LRRC40: variants seen among roughly 807,000 people sequenced by gnomAD.
LRRC40 encodes the protein leucine-rich repeat-containing protein 40.
LRRC40 carries 76 observed loss-of-function variants against 72.8 expected under a neutral mutation model. The observed-to-expected ratio is 1.04, with a 90% CI of 0.87 to 1.26. The LOEUF (loss-of-function observed/expected upper bound fraction) is 1.26. Ranked by LOEUF, LRRC40 falls within the 50% of genes most tolerant of loss-of-function variation. The pLI, the probability that LRRC40 is intolerant of heterozygous loss-of-function variation, is 0.00. For synonymous variants in LRRC40, 243 were observed against 254.2 expected, an observed-to-expected ratio of 0.96 and a Z score of 0.42; for missense variants, 684 against 698.9, an observed-to-expected ratio of 0.98 and a Z score of 0.24.
intron 10 of LRRC40, among the ~76,000 whole-genome samples, chr1:70,158,048 C>T (rs149778152): frequency 0.024 from 3,147 of 133,708 alleles, 43 homozygotes; most frequent in Middle Eastern, 0.037. Flanking sequence ...TACAGTGAGC[C>T]GAGATAACGC....
chr1:70,197,003 A>G (rs1668626400), intron 1 of LRRC40, among the ~76,000 whole-genome samples: 3 of 152,222 alleles, frequency 2.0e-5, no homozygotes, highest in African/African-American at 7.2e-5. Context: ...ATCACAGGGT[A>G]GATACAATAT....
At chr1:70,157,604 T>TAC (rs1213475972) in intron 10 of LRRC40, among the ~76,000 whole-genome samples, 1 of 152,066 alleles carries the variant, frequency 6.6e-6, no homozygotes, top group African/African-American at 2.4e-5. Context: ...CCCCTTAGAA[T>TAC]AGAGACTCAA....
At chr1:70,155,947 AC>A (rs1488459303) in intron 10 of LRRC40, 151 bp from the exon 11 acceptor site, 2 of 435,460 alleles carry the variant, frequency 4.6e-6, no homozygotes, top group Non-Finnish European at 4.1e-6. Flanking sequence ...CACATAATCT[AC>A]CAAGCCATAA....
In LRRC40 at chr1:70,173,347, A is replaced by G. The variant is rs371497002; in HGVS notation, c.1111+118T>C. The G allele has an allele frequency of 7.7e-5, 53 of 685,678 alleles. No individual in the cohort carries two copies. In the African/African-American group the frequency reaches 9.2e-4, roughly 12 times the overall value. The allele number at this position is 685,678 out of a possible 1,614,324, so 42.5% of individuals were successfully genotyped here. A position where few individuals can be genotyped will look rare whatever the true frequency, so the allele number is the denominator to read the frequency against. ...TATGGATTTAGAATTAGAGCCACAC[A>G]TGCCAGGATCTATTACTTCCAAATA... On this transcript the variant is annotated intron_variant, in intron 9 of 14. Transcript: ENST00000370952.
chr1:70,197,035 A>T (rs972784557), intron 1 of LRRC40, among the ~76,000 whole-genome samples: 6 of 152,248 alleles, frequency 3.9e-5, no homozygotes, highest in African/African-American at 1.4e-4. Context: ...ATGGCTCAAC[A>T]GAACTTTCTA....
At chr1:70,157,234 T>G (rs1310997749) in intron 10 of LRRC40, among the ~76,000 whole-genome samples, 1 of 152,242 alleles carries the variant, frequency 6.6e-6, no homozygotes, top group Admixed American at 6.5e-5. Flanking sequence ...TCCCATTTTC[T>G]TCTGTGTAGA....
rs186537244 is a variant in LRRC40 at position 70,184,051 on chromosome 1, T to C, written c.537+734A>G. ...ATCATTTGAGGTCAGGAGTTCAAGA[T>C]CAGTCTGGCCAAATGGTGAAACCCC... On this transcript the variant is annotated intron_variant, in intron 4 of 14. Transcript: ENST00000370952. 8.9e-4 allele frequency among the ~76,000 whole-genome samples: 135 copies of C among 152,046 alleles called. 1 individual carries two copies. The highest frequency in any genetic ancestry group is 2.4e-3 in the Admixed American group (36 of 15,250).
chr1:70,164,157 G>A (rs753313543), intron 9 of LRRC40, among the ~76,000 whole-genome samples: 143 of 152,102 alleles, frequency 9.4e-4, no homozygotes, highest in Non-Finnish European at 1.7e-3. Flanking sequence ...TTGGGAGGCC[G>A]AGGCGGGCGG....
chr1:70,154,252 C>G (rs1269278888), intron 11 of LRRC40, among the ~76,000 whole-genome samples: 2 of 151,966 alleles, frequency 1.3e-5, no homozygotes, highest in African/African-American at 4.8e-5. Context: ...TGCAACATGT[C>G]CATGTAATAA....
intron 9 of LRRC40, among the ~76,000 whole-genome samples, chr1:70,162,463 T>C (rs1044739128): frequency 2.6e-5 from 4 of 152,172 alleles, no homozygotes; most frequent in African/African-American, 7.2e-5. Context: ...CTATGAATCA[T>C]GAATTCTGAG....
At chr1:70,179,028 G>T in intron 5 of LRRC40, 35 bp from the exon 6 acceptor site, 2 of 1,356,282 alleles carry the variant, frequency 1.5e-6, no homozygotes, top group South Asian at 1.7e-5. Context: ...CAAAAATAGA[G>T]AAAAAAAAAT....
chr1:70,173,781 ACAT>A, intron 7 of LRRC40, 72 bp from the exon 8 acceptor site: 1 of 719,554 alleles, frequency 1.4e-6, no homozygotes, highest in South Asian at 2.0e-5. Flanking sequence ...TAACTATAAA[ACAT>A]CATATGGCAA....
intron 1 of LRRC40, among the ~76,000 whole-genome samples, chr1:70,192,644 A>G (rs1188864354): frequency 6.6e-6 from 1 of 152,172 alleles, no homozygotes; most frequent in African/African-American, 2.4e-5. Context: ...ATGAAAAAGA[A>G]CAAGATCATG....
chr1:70,176,711 T>G lies in LRRC40; in HGVS notation c.805-729A>C, dbSNP rs551749326. On this transcript the variant is annotated intron_variant, in intron 6 of 14. Transcript: ENST00000370952. Reference sequence around the variant, plus strand: ...GTGTTTAAACTGTGAGGGTCCACTTTTATATAAATTTTTTTCAGAAAATAT... The same window carrying G: ...GTGTTTAAACTGTGAGGGTCCACTTGTATATAAATTTTTTTCAGAAAATAT... Among the ~76,000 whole-genome samples the G allele has an allele frequency of 2.6e-5, 4 of 152,218 alleles. 1 individual carries two copies. Among genetic ancestry groups the G allele is most frequent in the Admixed American group, 2.6e-4 (4 of 15,286 alleles).
chr1:70,190,400 G>A (rs1389741869), intron 1 of LRRC40, among the ~76,000 whole-genome samples: 2 of 151,932 alleles, frequency 1.3e-5, no homozygotes, highest in East Asian at 3.9e-4. Context: ...AAATGAGCTA[G>A]CCAGTTGTAG....
At chr1:70,164,883 T>C (rs1444059917) in intron 9 of LRRC40, among the ~76,000 whole-genome samples, 1 of 152,178 alleles carries the variant, frequency 6.6e-6, no homozygotes, top group Non-Finnish European at 1.5e-5. Context: ...CCTATTGATG[T>C]AGAACAGAGA....
At position 70,184,864 on chromosome 1, in the gene LRRC40, AG is replaced by A; in HGVS notation, c.457del (p.Leu153Ter). The A allele has an allele frequency of 6.2e-7, 1 of 1,610,208 alleles. No homozygotes were observed. The highest frequency in any genetic ancestry group is 8.5e-7 in the Non-Finnish European group (1 of 1,176,858). Reference protein sequence around the residue: ...LPEEITNLRNLKCLYLQHNEL... With the variant: ...LPEEITNLRNXKCLYLQHNEL... The stretch of plus-strand genomic sequence containing the variant: ...ATTATGCTGGAGATACAGGCACTTC[AG>A]GTTTCTTAGGTTTGTAATTTCTTCA... On this transcript the variant is annotated frameshift_variant, in exon 4 of 15. Coordinates refer to ENST00000370952, the MANE Select transcript of LRRC40 (RefSeq NM_017768.5). LOFTEE classifies it high-confidence loss of function.
At chr1:70,190,704 A>AAAAAACTT (rs1668480870) in intron 1 of LRRC40, among the ~76,000 whole-genome samples, 1 of 143,734 alleles carries the variant, frequency 7.0e-6, no homozygotes, top group Admixed American at 7.2e-5. Flanking sequence ...AAACTTAAAA[A>AAAAAACTT]AAGAAAAAGA....
chr1:70,201,860 C>G (rs1204380980), intron 1 of LRRC40, among the ~76,000 whole-genome samples: 15 of 152,006 alleles, frequency 9.9e-5, no homozygotes, highest in Admixed American at 6.6e-4. Context: ...CCCTGTAATC[C>G]CAGCTACTCA....
Sources: gnomAD v4.1 joint callset for allele counts (sites outside exome capture counted in the v4.1 genomes callset) on GRCh38, gnomAD v4.1.1 for gene constraint, MANE v1.5 for transcripts, NCBI Gene and HGNC (gene_info 2026-07-23, HGNC 2026-07-21) for gene names.